Variants in FBXL17 observed in about 807,000 individuals in gnomAD.
FBXL17 encodes F-box/LRR-repeat protein 17.
In FBXL17, 22 loss-of-function variants were observed where a neutral mutation model predicts 66.2. The ratio of observed to expected loss-of-function variants is 0.33; its 90% CI spans 0.24 to 0.47. The LOEUF (loss-of-function observed/expected upper bound fraction) is 0.47. Among genes scored for constraint, FBXL17 ranks in the 20% least tolerant of loss-of-function variants. The pLI is 1.00. For synonymous variants in FBXL17, 474 were observed against 400.5 expected (o/e 1.18, Z -2.19); for missense variants, 878 against 948.2 (o/e 0.93, Z 0.97).
intron 7 of FBXL17, among the ~76,000 whole-genome samples, chr5:107,955,934 C>A (rs1389102116): frequency 1.3e-5 from 2 of 152,114 alleles, no homozygotes; most frequent in Non-Finnish European, 2.9e-5. Flanking sequence ...ACATCTTTAG[C>A]GTTACTTGCT....
At chr5:107,956,374 G>GA (rs1751666637) in intron 7 of FBXL17, among the ~76,000 whole-genome samples, 3 of 152,210 alleles carry the variant, frequency 2.0e-5, no homozygotes, top group Admixed American at 2.0e-4. Flanking sequence ...CACTGCTATA[G>GA]AAAAACTTGG....
chr5:108,155,323 T>G (rs1013194416), intron 6 of FBXL17, among the ~76,000 whole-genome samples: 3 of 152,086 alleles, frequency 2.0e-5, no homozygotes, highest in Admixed American at 1.3e-4. Context: ...AAGACCAGCC[T>G]GAGCAACATG....
At chr5:108,135,394 T>C (rs1011422312) in intron 6 of FBXL17, among the ~76,000 whole-genome samples, 1 of 152,160 alleles carries the variant, frequency 6.6e-6, no homozygotes, top group Non-Finnish European at 1.5e-5. Flanking sequence ...CACCCTTACA[T>C]GTAAAAGGGT....
chr5:107,867,911 A>T (rs1748331084), intron 8 of FBXL17, among the ~76,000 whole-genome samples: 1 of 152,232 alleles, frequency 6.6e-6, no homozygotes, highest in Non-Finnish European at 1.5e-5. Flanking sequence ...TTCGTGTGTT[A>T]AGAGACAATC....
chr5:108,026,461 T>TAC (rs1012080786), intron 6 of FBXL17, among the ~76,000 whole-genome samples: 11 of 152,312 alleles, frequency 7.2e-5, no homozygotes, highest in Admixed American at 7.2e-4. Flanking sequence ...ATACCAAATA[T>TAC]ACACCTAAGT....
At chr5:107,965,277 T>C (rs1334197827) in intron 7 of FBXL17, among the ~76,000 whole-genome samples, 1 of 152,144 alleles carries the variant, frequency 6.6e-6, no homozygotes, top group Non-Finnish European at 1.5e-5. Flanking sequence ...AGAATGACTA[T>C]TCAAAAGCAG....
intron 4 of FBXL17, chr5:108,299,823 AT>A (rs1758506509): frequency 4.3e-5 from 42 of 985,050 alleles, no homozygotes; most frequent in Non-Finnish European, 5.1e-5. Context: ...ACACGACAAA[AT>A]GTCAGTCGAG....
intron 4 of FBXL17, among the ~76,000 whole-genome samples, chr5:108,267,002 TTATTC>T (rs1757071968): frequency 6.6e-6 from 1 of 152,134 alleles, no homozygotes; most frequent in Admixed American, 6.5e-5. Flanking sequence ...AATTTTATAT[TTATTC>T]TATAGCATAA....
intron 5 of FBXL17, among the ~76,000 whole-genome samples, chr5:108,197,892 T>C (rs911841904): frequency 2.0e-5 from 3 of 152,158 alleles, no homozygotes; most frequent in Non-Finnish European, 2.9e-5. Context: ...TTCTCATTTA[T>C]TGGTCTCAAC....
At chr5:108,299,539 C>A in intron 4 of FBXL17, 2 of 958,036 alleles carry the variant, frequency 2.1e-6, no homozygotes, top group Non-Finnish European at 2.5e-6. Flanking sequence ...TATAATCCTT[C>A]AATTTTAGAT....
At chr5:107,947,506 G>A (rs1751353530) in intron 7 of FBXL17, among the ~76,000 whole-genome samples, 1 of 152,236 alleles carries the variant, frequency 6.6e-6, no homozygotes, top group Non-Finnish European at 1.5e-5. Flanking sequence ...AGTATCCACT[G>A]TAAGCTCTTT....
chr5:108,067,477 A>G (rs1748160413), intron 6 of FBXL17, among the ~76,000 whole-genome samples: 1 of 152,160 alleles, frequency 6.6e-6, no homozygotes, highest in African/African-American at 2.4e-5. Flanking sequence ...ACTTAACAGA[A>G]TAAATATATT....
At chr5:108,015,866 C>T (rs947594199) in intron 7 of FBXL17, among the ~76,000 whole-genome samples, 6 of 152,090 alleles carry the variant, frequency 3.9e-5, no homozygotes, top group Non-Finnish European at 7.3e-5. Flanking sequence ...TACACCAAAA[C>T]GATGAATAAT....
At chr5:108,307,039 G>C (rs1052903746) in intron 4 of FBXL17, among the ~76,000 whole-genome samples, 2 of 151,766 alleles carry the variant, frequency 1.3e-5, no homozygotes, top group African/African-American at 2.4e-5. Flanking sequence ...AAAAGTAATA[G>C]TCTGAAATCA....
intron 7 of FBXL17, among the ~76,000 whole-genome samples, chr5:107,893,394 G>A (rs1472795436): frequency 6.6e-6 from 1 of 152,174 alleles, no homozygotes; most frequent in Non-Finnish European, 1.5e-5. Context: ...GATTCAGCAT[G>A]AAGCTAATGA....
chr5:108,341,969 G>A (rs557282405), intron 4 of FBXL17, among the ~76,000 whole-genome samples: 1 of 152,074 alleles, frequency 6.6e-6, no homozygotes, highest in African/African-American at 2.4e-5. Flanking sequence ...CCTCACATAA[G>A]AATAACTATT....
intron 6 of FBXL17, among the ~76,000 whole-genome samples, chr5:108,023,407 G>A (rs184581996): frequency 6.6e-6 from 1 of 152,260 alleles, no homozygotes. Flanking sequence ...AGTAGCTGTT[G>A]TTTCAAGAAT....
chr5:107,920,763 A>G (rs142236102), intron 7 of FBXL17, among the ~76,000 whole-genome samples: 6 of 152,316 alleles, frequency 3.9e-5, no homozygotes, highest in Non-Finnish European at 8.8e-5. Context: ...TCCAGGAAGT[A>G]CCTAATCCTG....
chr5:108,176,408 C>T (rs1369763535), intron 6 of FBXL17, among the ~76,000 whole-genome samples: 1 of 152,086 alleles, frequency 6.6e-6, no homozygotes. Flanking sequence ...TCTATGGGAG[C>T]TCTTAATTAC....
Sources: gnomAD v4.1 joint callset for allele counts (sites outside exome capture counted in the v4.1 genomes callset) on GRCh38, gnomAD v4.1.1 for gene constraint, MANE v1.5 for transcripts, NCBI Gene and HGNC (gene_info 2026-07-23, HGNC 2026-07-21) for gene names.